The following OPCML variants were observed in gnomAD, a reference collection of about 807,000 sequenced individuals.
The protein encoded by OPCML is opioid binding protein/cell adhesion molecule like.
Under a neutral mutation model 37.8 loss-of-function variants are expected in OPCML, and 13 were observed. The observed-to-expected ratio is 0.34, with a 90% CI of 0.22 to 0.55. The LOEUF is 0.55. Ranked by LOEUF, OPCML falls within the 20% of genes least tolerant of loss-of-function variation. OPCML has a pLI of 0.91. For synonymous variants in OPCML, 176 were observed against 168.8 expected (o/e 1.04, Z -0.33); for missense variants, 341 against 435.6 (o/e 0.78, Z 1.93).
intron 1 of OPCML, among the ~76,000 whole-genome samples, chr11:133,192,136 A>AT (rs1938349624): frequency 6.6e-6 from 1 of 152,186 alleles, no homozygotes; most frequent in Non-Finnish European, 1.5e-5. Flanking sequence ...GGGGCATTGA[A>AT]TTGTAAGTGC....
chr11:132,501,843 G>A (rs147556034), intron 4 of OPCML, among the ~76,000 whole-genome samples: 215 of 152,284 alleles, frequency 1.4e-3, no homozygotes, highest in Middle Eastern at 0.01. Flanking sequence ...TCTTAGCGAT[G>A]GGGAAGGGGA....
At chr11:133,156,060 G>T (rs985295127) in intron 1 of OPCML, among the ~76,000 whole-genome samples, 4 of 152,142 alleles carry the variant, frequency 2.6e-5, no homozygotes, top group Non-Finnish European at 5.9e-5. Context: ...TGTCTTTGCC[G>T]TTAACGAATC....
At chr11:133,024,105 G>A (rs1245640082) in intron 1 of OPCML, among the ~76,000 whole-genome samples, 1 of 152,218 alleles carries the variant, frequency 6.6e-6, no homozygotes, top group Non-Finnish European at 1.5e-5. Context: ...GGTCCATGGA[G>A]AAACTAAGGC....
At chr11:133,136,309 C>T (rs1289818329) in intron 1 of OPCML, among the ~76,000 whole-genome samples, 1 of 152,126 alleles carries the variant, frequency 6.6e-6, no homozygotes, top group Non-Finnish European at 1.5e-5. Flanking sequence ...GGTGTCTATG[C>T]CTCTGCTGCC....
chr11:132,421,500 G>T (rs538784126), intron 7 of OPCML, among the ~76,000 whole-genome samples: 1 of 152,266 alleles, frequency 6.6e-6, no homozygotes, highest in African/African-American at 2.4e-5. Context: ...TTCATGCCTT[G>T]CCCAGGAGGG....
chr11:133,363,449 T>TC (rs1288933543), intron 1 of OPCML, among the ~76,000 whole-genome samples: 3 of 152,102 alleles, frequency 2.0e-5, no homozygotes, highest in Non-Finnish European at 4.4e-5. Context: ...GAAAATGGGA[T>TC]CCCCCCAGCA....
At chr11:132,954,906 G>T (rs1591844237) in intron 1 of OPCML, among the ~76,000 whole-genome samples, 1 of 152,276 alleles carries the variant, frequency 6.6e-6, no homozygotes, top group East Asian at 1.9e-4. Context: ...AATCAGGGAG[G>T]AGACCTTTAA....
chr11:132,439,698 A>AT (rs10548500), intron 4 of OPCML, among the ~76,000 whole-genome samples: 72,332 of 147,442 alleles, frequency 0.49, 19,878 homozygotes, highest in Middle Eastern at 0.7. Flanking sequence ...ACACCTCGCC[A>AT]TTTTTTTTTT....
intron 3 of OPCML, among the ~76,000 whole-genome samples, chr11:132,637,211 C>T (rs915065083): frequency 1.3e-5 from 2 of 151,776 alleles, no homozygotes; most frequent in African/African-American, 4.9e-5. Flanking sequence ...TATCAGTCCA[C>T]AAGATGTTAC....
At chr11:132,665,452 A>G (rs945706404) in intron 2 of OPCML, among the ~76,000 whole-genome samples, 2 of 152,188 alleles carry the variant, frequency 1.3e-5, no homozygotes, top group African/African-American at 4.8e-5. Flanking sequence ...GCAGCTCAGA[A>G]CAGAGTATCT....
At chr11:132,556,390 G>T (rs753858936) in intron 3 of OPCML, among the ~76,000 whole-genome samples, 2 of 152,038 alleles carry the variant, frequency 1.3e-5, no homozygotes, top group African/African-American at 4.8e-5. Context: ...AAACATTCAG[G>T]GTGTTTGCTT....
intron 3 of OPCML, among the ~76,000 whole-genome samples, chr11:132,641,946 G>A (rs773683327): frequency 1.1e-4 from 17 of 152,206 alleles, no homozygotes; most frequent in African/African-American, 1.9e-4. Flanking sequence ...AGGTGATGGA[G>A]ATGTGTGTAC....
At chr11:133,238,477 CAT>C (rs1474117640) in intron 1 of OPCML, among the ~76,000 whole-genome samples, 2 of 152,206 alleles carry the variant, frequency 1.3e-5, no homozygotes, top group Admixed American at 1.3e-4. Context: ...TAATTTCACT[CAT>C]ATCTTTCTAT....
In OPCML at chr11:133,486,448, T is replaced by C. The variant is rs1195920082; in HGVS notation, c.61+45816A>G. ...CAACTTCCTACACAGTAGCCACCTC[T>C]TTTTAAACACTTCTTTTTTTTTCTC... On this transcript the variant is annotated intron_variant, in intron 1 of 7. Transcript: ENST00000524381. Among the ~76,000 whole-genome samples the C allele has an allele frequency of 4.6e-5, 7 of 152,282 alleles. No homozygotes were observed. The South Asian group carries it at 1.4e-3, about 32-fold the overall frequency.
chr11:133,094,144 C>A (rs1901914), intron 1 of OPCML, among the ~76,000 whole-genome samples: 66,423 of 151,908 alleles, frequency 0.44, 16,115 homozygotes, highest in Admixed American at 0.54. Flanking sequence ...TAATTATGTA[C>A]CTGTACTGAG....
chr11:132,988,058 A>T (rs1482161216), intron 1 of OPCML, among the ~76,000 whole-genome samples: 1 of 152,248 alleles, frequency 6.6e-6, no homozygotes, highest in Non-Finnish European at 1.5e-5. Flanking sequence ...GCTTTCAAGT[A>T]ACCACAACAA....
chr11:133,266,920 T>G (rs1012448258), intron 1 of OPCML, among the ~76,000 whole-genome samples: 1 of 152,194 alleles, frequency 6.6e-6, no homozygotes, highest in African/African-American at 2.4e-5. Flanking sequence ...GCAGGTGAGA[T>G]GTCTACATGG....
At chr11:133,149,006 AG>A (rs1211185380) in intron 1 of OPCML, among the ~76,000 whole-genome samples, 1 of 152,106 alleles carries the variant, frequency 6.6e-6, no homozygotes, top group East Asian at 1.9e-4. Context: ...GTGGAGAAAA[AG>A]TTCCCTCACC....
At chr11:132,502,298 C>T (rs1437978346) in intron 4 of OPCML, among the ~76,000 whole-genome samples, 1 of 152,098 alleles carries the variant, frequency 6.6e-6, no homozygotes, top group Admixed American at 6.6e-5. Context: ...TCCATTTTTA[C>T]TTTCTCTTTT....
Sources: gnomAD v4.1 joint callset for allele counts (sites outside exome capture counted in the v4.1 genomes callset) on GRCh38, gnomAD v4.1.1 for gene constraint, MANE v1.5 for transcripts, NCBI Gene and HGNC (gene_info 2026-07-23, HGNC 2026-07-21) for gene names.